ARHGEF4: variants seen among roughly 807,000 people sequenced by gnomAD.
The protein encoded by ARHGEF4 is Rho guanine nucleotide exchange factor 4, also known as APC-stimulated guanine nucleotide exchange factor 1.
Under a neutral mutation model 162.0 loss-of-function variants are expected in ARHGEF4, and 119 were observed. The ratio of observed to expected loss-of-function variants is 0.73; its 90% confidence interval spans 0.63 to 0.86. The LOEUF (loss-of-function observed/expected upper bound fraction) is 0.86, where lower values mean the gene tolerates loss of function less well. Among genes scored for constraint, ARHGEF4 ranks in the 40% least tolerant of loss-of-function variants. The pLI is 0.00. For synonymous variants in ARHGEF4, 1,014 were observed against 979.9 expected, an observed-to-expected ratio of 1.03 and a Z score of -0.65; for missense variants, 2,488 against 2,456.0, an observed-to-expected ratio of 1.01 and a Z score of -0.28.
chr2:130,896,090 G>A (rs893156007), intron 1 of ARHGEF4, among the ~76,000 whole-genome samples: 1 of 152,112 alleles, frequency 6.6e-6, no homozygotes, highest in African/African-American at 2.4e-5. Context: ...TATGGTTACA[G>A]TTCCAGTATT....
In ARHGEF4 at chr2:130,915,595, C is replaced by G. The variant is rs1436968840; in HGVS notation, c.1649C>G (p.Ser550Ter). 5.8e-6 allele frequency: 9 copies of G among 1,550,434 alleles called. No individual in the cohort carries two copies. The highest frequency in any genetic ancestry group is 7.8e-6 in the Non-Finnish European group (9 of 1,146,984). The part of the protein sequence containing the change: ...LMGCLEVSDS[S>*]DAPETTQKSS... ...GGCTGCTTGGAAGTGAGTGACAGTT[C>G]AGATGCCCCTGAGACCACCCAGAAA... The change falls in exon 2 of 14, where the codon TCA (serine) becomes TGA (stop). Residue 550 changes from serine to a stop codon, truncating the protein, a stop_gained. Transcript: ENST00000409359. LOFTEE classifies it high-confidence loss of function.
intron 1 of ARHGEF4, among the ~76,000 whole-genome samples, chr2:130,898,195 C>T (rs923130751): frequency 6.6e-6 from 1 of 152,196 alleles, no homozygotes; most frequent in African/African-American, 2.4e-5. Context: ...GGCAGGAGCA[C>T]GACAGACCTG....
intron 4 of ARHGEF4, among the ~76,000 whole-genome samples, chr2:130,949,050 A>T (rs1683793768): frequency 1.3e-5 from 2 of 152,156 alleles, no homozygotes; most frequent in African/African-American, 2.4e-5. Flanking sequence ...TTCTCATTCA[A>T]ATTTGATCCA....
At chr2:131,044,846 C>T (rs1156452154) in intron 12 of ARHGEF4, among the ~76,000 whole-genome samples, 2 of 152,232 alleles carry the variant, frequency 1.3e-5, no homozygotes, top group Non-Finnish European at 2.9e-5. Flanking sequence ...CTCCATAGGA[C>T]GGGGTCCTCT....
Position 130,915,803 on chromosome 2 carries a change from A to C in ARHGEF4, c.1857A>C (p.Lys619Asn), listed in dbSNP as rs910431678. 3 of 1,524,626 alleles carry C rather than the reference A, an allele frequency of 2.0e-6. No homozygotes were observed. Among genetic ancestry groups the C allele is most frequent in the Middle Eastern group, 1.7e-4 (1 of 5,838 alleles). The allele number at this position is 1,524,626 out of a possible 1,614,324, so 94.4% of individuals were successfully genotyped here. A position where few individuals can be genotyped will look rare whatever the true frequency, so the allele number is the denominator to read the frequency against. ...CCGGGGGCCGGCAGCTGGAGCCCAAAGCAGGCGGCGAGGCCTCGAGGGGCA... is the reference window on the plus strand; with the variant it reads ...CCGGGGGCCGGCAGCTGGAGCCCAACGCAGGCGGCGAGGCCTCGAGGGGCA... ...GGAGGRQLEP[K>N]AGGEASRGRG... is the part of the protein sequence containing the mutation. The change falls in exon 2 of 14, where the codon AAA becomes AAC. Residue 619 changes from lysine to asparagine, a missense_variant. Coordinates refer to ENST00000409359, the MANE Select transcript of ARHGEF4 (RefSeq NM_001367493.1).
At chr2:130,934,779 A>G (rs1044292472) in intron 3 of ARHGEF4, among the ~76,000 whole-genome samples, 1 of 152,118 alleles carries the variant, frequency 6.6e-6, no homozygotes, top group Non-Finnish European at 1.5e-5. Flanking sequence ...CTTGACTTCA[A>G]GTGATCTGCC....
intron 4 of ARHGEF4, among the ~76,000 whole-genome samples, chr2:131,022,273 AGCCATCTG>A (rs1242172273): frequency 6.6e-6 from 1 of 152,152 alleles, no homozygotes; most frequent in Non-Finnish European, 1.5e-5. Context: ...AGATGGTAGA[AGCCATCTG>A]GCCCTGGGCT....
intron 1 of ARHGEF4, 108 bp from the exon 2 acceptor site, chr2:130,913,878 T>G: frequency 7.5e-7 from 1 of 1,341,564 alleles, no homozygotes; most frequent in Non-Finnish European, 1.0e-6. Context: ...GGGGAACTAA[T>G]GAGCCATTTC....
intron 4 of ARHGEF4, among the ~76,000 whole-genome samples, chr2:130,966,480 A>G (rs1051955710): frequency 3.3e-5 from 5 of 152,118 alleles, no homozygotes; most frequent in East Asian, 1.9e-4. Flanking sequence ...CCTTTTGAGC[A>G]CTCTCTACAT....
At chr2:131,004,588 C>T (rs1209159771) in intron 4 of ARHGEF4, among the ~76,000 whole-genome samples, 1 of 152,172 alleles carries the variant, frequency 6.6e-6, no homozygotes. Flanking sequence ...GAGTGCGGCC[C>T]TCCTTGTCAC....
At chr2:130,917,615 C>T in intron 2 of ARHGEF4, 117 bp downstream of exon 2, 1 of 1,326,940 alleles carries the variant, frequency 7.5e-7, no homozygotes, top group Non-Finnish European at 1.0e-6. Context: ...CCAAAATTGC[C>T]CCCGTTACAC....
intron 1 of ARHGEF4, among the ~76,000 whole-genome samples, chr2:130,880,266 C>T (rs1333635770): frequency 6.6e-6 from 1 of 152,198 alleles, no homozygotes; most frequent in Non-Finnish European, 1.5e-5. Context: ...AAGGTGGTGT[C>T]ATTACCGATG....
chr2:130,991,426 A>G (rs1208817931), intron 4 of ARHGEF4, among the ~76,000 whole-genome samples: 2 of 152,180 alleles, frequency 1.3e-5, no homozygotes, highest in Non-Finnish European at 2.9e-5. Flanking sequence ...CCACTCCCTC[A>G]GCTTGCAGGG....
intron 1 of ARHGEF4, among the ~76,000 whole-genome samples, chr2:130,846,425 C>T (rs1448628095): frequency 3.9e-5 from 6 of 152,194 alleles, no homozygotes; most frequent in African/African-American, 7.2e-5. Flanking sequence ...CTCCCTGCCC[C>T]GCTTGGCTGT....
chr2:130,968,312 A>G (rs1333165365), intron 4 of ARHGEF4, among the ~76,000 whole-genome samples: 3 of 152,214 alleles, frequency 2.0e-5, no homozygotes, highest in Admixed American at 6.5e-5. Context: ...TTAAAGTAGG[A>G]CCCAACCTAT....
intron 4 of ARHGEF4, among the ~76,000 whole-genome samples, chr2:130,994,552 T>C (rs1020888107): frequency 1.2e-4 from 19 of 152,200 alleles, no homozygotes; most frequent in African/African-American, 4.3e-4. Flanking sequence ...TTTCACCATA[T>C]ATTTTTTGGT....
chr2:130,994,702 A>C (rs1007280020), intron 4 of ARHGEF4, among the ~76,000 whole-genome samples: 4 of 152,106 alleles, frequency 2.6e-5, no homozygotes, highest in African/African-American at 4.8e-5. Flanking sequence ...AAAGAAACCT[A>C]GTGTTTTCCT....
At chr2:131,028,448 C>A (rs928464637) in intron 5 of ARHGEF4, among the ~76,000 whole-genome samples, 1 of 152,178 alleles carries the variant, frequency 6.6e-6, no homozygotes, top group Non-Finnish European at 1.5e-5. Flanking sequence ...CCCTGACCCC[C>A]CAACCAGCCA....
intron 4 of ARHGEF4, among the ~76,000 whole-genome samples, chr2:131,018,829 CTG>C (rs1271411379): frequency 1.3e-5 from 2 of 152,228 alleles, no homozygotes; most frequent in Non-Finnish European, 2.9e-5. Context: ...CTTCCCAACA[CTG>C]TTCGCTGTAA....
Sources: allele counts gnomAD v4.1 joint callset (sites outside exome capture counted in the v4.1 genomes callset), GRCh38; gene constraint gnomAD v4.1.1; transcripts MANE v1.5; gene names NCBI Gene and HGNC (gene_info 2026-07-23, HGNC 2026-07-21).